Variants in CADPS2 observed in about 807,000 individuals in gnomAD.
The protein encoded by CADPS2 is calcium dependent secretion activator 2, also known as calcium-dependent secretion activator 2.
A neutral mutation model predicts 172.5 loss-of-function variants in CADPS2; 93 were observed. The ratio of observed to expected loss-of-function variants is 0.54; its 90% CI spans 0.46 to 0.64. The LOEUF (loss-of-function observed/expected upper bound fraction) is 0.64. CADPS2 is among the 30% of genes least tolerant of loss of function. The pLI is 0.00. For missense variants in CADPS2, 1,420 were observed against 1,565.9 expected (o/e 0.91, Z 1.57); for synonymous variants, 546 against 555.2 (o/e 0.98, Z 0.23).
At chr7:122,638,680 C>G (rs994528503) in intron 3 of CADPS2, among the ~76,000 whole-genome samples, 1 of 152,230 alleles carries the variant, frequency 6.6e-6, no homozygotes, top group Non-Finnish European at 1.5e-5. Flanking sequence ...GGGTTTTTCA[C>G]ATTCTCAGGA....
intron 20 of CADPS2, among the ~76,000 whole-genome samples, chr7:122,404,441 C>T (rs1008608181): frequency 6.6e-5 from 10 of 152,022 alleles, no homozygotes; most frequent in East Asian, 1.9e-4. Context: ...TGAATAGTGC[C>T]GCAATAAACA....
chr7:122,442,187 A>G (rs1292513408), intron 15 of CADPS2, among the ~76,000 whole-genome samples: 1 of 152,222 alleles, frequency 6.6e-6, no homozygotes, highest in Non-Finnish European at 1.5e-5. Flanking sequence ...ATGTTCTGAA[A>G]TCAGTGTCAG....
intron 24 of CADPS2, chr7:122,386,310 C>G: frequency 4.2e-6 from 6 of 1,436,058 alleles, no homozygotes; most frequent in Non-Finnish European, 4.6e-6. Context: ...GACTACCAAA[C>G]TGGATCATGC....
At chr7:122,557,389 A>T (rs2065163482) in intron 7 of CADPS2, among the ~76,000 whole-genome samples, 1 of 152,150 alleles carries the variant, frequency 6.6e-6, no homozygotes, top group African/African-American at 2.4e-5. Flanking sequence ...GGGTGTCTTC[A>T]CAGTGCCTGC....
intron 1 of CADPS2, among the ~76,000 whole-genome samples, chr7:122,756,029 C>CA (rs1423982272): frequency 1.3e-5 from 2 of 152,126 alleles, no homozygotes; most frequent in Non-Finnish European, 2.9e-5. Flanking sequence ...TGTTTCCTAC[C>CA]ACAGCACACT....
intron 1 of CADPS2, among the ~76,000 whole-genome samples, chr7:122,833,257 A>G (rs73718024): frequency 0.019 from 2,836 of 152,336 alleles, 89 homozygotes; most frequent in African/African-American, 0.064. Flanking sequence ...CGCTGTTTTA[A>G]GTACTACTAA....
intron 29 of CADPS2, among the ~76,000 whole-genome samples, chr7:122,323,057 T>C (rs779718353): frequency 2.6e-5 from 4 of 152,204 alleles, no homozygotes; most frequent in African/African-American, 9.6e-5. Context: ...AAATGATCAT[T>C]ATAAGCAAAA....
chr7:122,637,171 CTTTTTTTTTTTTTT>C (rs71161313), intron 3 of CADPS2, among the ~76,000 whole-genome samples: 30,665 of 53,840 alleles, frequency 0.57, 8,404 homozygotes, highest in South Asian at 0.68. Flanking sequence ...TGAAATTTTG[CTTTTTTTTTTTTTT>C]TTTTTTTTTT....
chr7:122,399,027 TA>T (rs2045551052), intron 20 of CADPS2, among the ~76,000 whole-genome samples: 1 of 152,120 alleles, frequency 6.6e-6, no homozygotes. Context: ...CATTAACTAG[TA>T]TAATAACCCC....
chr7:122,828,104 A>AT (rs1805473638), intron 1 of CADPS2, among the ~76,000 whole-genome samples: 1 of 152,082 alleles, frequency 6.6e-6, no homozygotes, highest in Non-Finnish European at 1.5e-5. Flanking sequence ...ATACATATCC[A>AT]TTTAGGATCA....
chr7:122,571,807 G>A (rs957386749), intron 7 of CADPS2, among the ~76,000 whole-genome samples: 18 of 151,988 alleles, frequency 1.2e-4, no homozygotes, highest in Admixed American at 4.6e-4. Flanking sequence ...ACTGGACCAC[G>A]GAATTAAAAT....
intron 2 of CADPS2, among the ~76,000 whole-genome samples, chr7:122,707,187 C>G (rs977479438): frequency 6.6e-6 from 1 of 151,852 alleles, no homozygotes; most frequent in Non-Finnish European, 1.5e-5. Flanking sequence ...GCACTGTACA[C>G]AAGGCACTGA....
chr7:122,410,637 C>G lies in CADPS2; in HGVS notation c.2590-2941G>C, dbSNP rs140628849. Reference sequence around the variant, plus strand: ...AATAACAATACTTGCCCTAACCTCTCCCAGTGTTGCTGTGAAAATCAAATA... The same window carrying G: ...AATAACAATACTTGCCCTAACCTCTGCCAGTGTTGCTGTGAAAATCAAATA... On this transcript the variant is annotated intron_variant, in intron 19 of 29. Coordinates refer to ENST00000449022, the MANE Select transcript of CADPS2 (RefSeq NM_017954.11). Among the ~76,000 whole-genome samples, 448 of 152,170 alleles carry G rather than the reference C, an allele frequency of 2.9e-3. 2 individuals are homozygous for G. The highest frequency in any genetic ancestry group is 5.3e-3 in the Non-Finnish European group (362 of 68,022).
intron 8 of CADPS2, among the ~76,000 whole-genome samples, chr7:122,530,333 C>A (rs1215994317): frequency 6.8e-6 from 1 of 147,258 alleles, no homozygotes; most frequent in Admixed American, 6.7e-5. Context: ...TTTTTTTTTC[C>A]CACTAGCTTT....
chr7:122,758,376 A>C (rs2093251507), intron 1 of CADPS2, among the ~76,000 whole-genome samples: 1 of 152,124 alleles, frequency 6.6e-6, no homozygotes, highest in Non-Finnish European at 1.5e-5. Context: ...CTTTGCAATC[A>C]CTCATATTAA....
chr7:122,527,910 C>A (rs561361234), intron 8 of CADPS2, among the ~76,000 whole-genome samples: 2 of 151,998 alleles, frequency 1.3e-5, no homozygotes, highest in Non-Finnish European at 2.9e-5. Context: ...GAGAGACAGA[C>A]AAACAGAGAA....
Position 122,621,705 on chromosome 7 carries a change from G to A in CADPS2, c.880C>T (p.Pro294Ser). The change falls in exon 5 of 30, where the codon CCC (proline) becomes TCC (serine). Residue 294 changes from proline (P) to serine (S), a missense_variant. Transcript: ENST00000449022. ...ADKMAKERKF[P>S]KFIAKDMENM... ...TCCATATCTTTTGCTATAAATTTGGGGAATTTTCTTTCCTTGAAAATAATT... is the reference window on the plus strand; with the variant it reads ...TCCATATCTTTTGCTATAAATTTGGAGAATTTTCTTTCCTTGAAAATAATT... 1.3e-6 allele frequency: 2 copies of A among 1,570,330 alleles called. No homozygotes were observed. The highest frequency in any genetic ancestry group is 1.7e-6 in the Non-Finnish European group (2 of 1,158,268).
chr7:122,435,744 T>C (rs970670882), intron 17 of CADPS2, among the ~76,000 whole-genome samples: 4 of 152,064 alleles, frequency 2.6e-5, no homozygotes, highest in Admixed American at 6.6e-5. Flanking sequence ...GCATTATTCA[T>C]TGAAAGCAAC....
intron 20 of CADPS2, among the ~76,000 whole-genome samples, chr7:122,398,987 T>C (rs1395421258): frequency 1.3e-5 from 2 of 152,174 alleles, no homozygotes; most frequent in Admixed American, 1.3e-4. Context: ...ATTTGACAAG[T>C]AATTTTATAT....
Sources: allele counts gnomAD v4.1 joint callset (sites outside exome capture counted in the v4.1 genomes callset), GRCh38; gene constraint gnomAD v4.1.1; transcripts MANE v1.5; gene names NCBI Gene and HGNC (gene_info 2026-07-23, HGNC 2026-07-21).